The following UBA2 variants were observed in gnomAD, a reference collection of about 807,000 sequenced individuals.
The protein encoded by UBA2 is ubiquitin like modifier activating enzyme 2, also known as SUMO-activating enzyme subunit 2.
In UBA2, 11 loss-of-function variants were observed where a neutral mutation model predicts 77.2. The ratio of observed to expected loss-of-function variants is 0.14; its 90% CI spans 0.09 to 0.24. The LOEUF (loss-of-function observed/expected upper bound fraction) is 0.24. UBA2 is among the 10% of genes least tolerant of loss of function. The probability of loss-of-function intolerance (pLI) is 1.00; values close to 1 mark genes in which losing one functional copy is unlikely to be tolerated. For missense variants in UBA2, 487 were observed against 781.7 expected (o/e 0.62, Z 4.50); for synonymous variants, 278 against 276.7 (o/e 1.00, Z -0.05).
At chr19:34,433,815 C>T (rs1001767107) in intron 4 of UBA2, among the ~76,000 whole-genome samples, 4 of 152,134 alleles carry the variant, frequency 2.6e-5, no homozygotes, top group South Asian at 2.1e-4. Flanking sequence ...AAAAATTAGC[C>T]GGTGTGGTGG....
At chr19:34,462,886 G>A (rs2075646933) in intron 14 of UBA2, among the ~76,000 whole-genome samples, 1 of 152,176 alleles carries the variant, frequency 6.6e-6, no homozygotes, top group African/African-American at 2.4e-5. Flanking sequence ...CCTGAGGTCA[G>A]GAGTTGGAGA....
At chr19:34,448,700 G>A (rs1208894106) in intron 8 of UBA2, among the ~76,000 whole-genome samples, 2 of 152,160 alleles carry the variant, frequency 1.3e-5, no homozygotes, top group African/African-American at 2.4e-5. Context: ...GATTCTTTTG[G>A]AACATTAGAG....
At chr19:34,445,238 G>A (rs2075415387) in intron 8 of UBA2, 117 bp downstream of exon 8, 2 of 1,001,402 alleles carry the variant, frequency 2.0e-6, no homozygotes, top group South Asian at 3.6e-5. Flanking sequence ...CTATGTATAT[G>A]CCTTGTGATG....
intron 10 of UBA2, 80 bp from the exon 11 acceptor site, chr19:34,454,165 AGTATTATAAACACGT>A: frequency 9.1e-7 from 1 of 1,102,690 alleles, no homozygotes; most frequent in East Asian, 2.4e-5. Context: ...GAAAGTCTAT[AGTATTATAAACACGT>A]GAAAGTATTG....
intron 16 of UBA2, 169 bp downstream of exon 16, chr19:34,467,183 T>G: frequency 1.2e-6 from 1 of 821,742 alleles, no homozygotes. Flanking sequence ...TGAAGACATT[T>G]AAGGCTGGGT....
Position 34,434,941 on chromosome 19 carries a change from T to C in UBA2, c.432T>C (p.Tyr144=). ...TTATTGAAAGTGGAACAGCTGGGTA[T>C]CTTGGACAAGTAACTACTATCAAAA... ...VPLIESGTAG[Y]LGQVTTIKKG... is the part of the protein sequence containing the mutation. The change falls in exon 5 of 17, where the codon TAT becomes TAC. Residue 144 remains tyrosine (Y), a synonymous_variant. Transcript: ENST00000246548. 1 of 1,609,060 alleles carries C rather than the reference T, an allele frequency of 6.2e-7. No homozygotes were observed. The highest frequency in any genetic ancestry group is 8.5e-7 in the Non-Finnish European group (1 of 1,177,836).
chr19:34,440,487 T>G (rs1281088188), intron 6 of UBA2, among the ~76,000 whole-genome samples: 2 of 152,176 alleles, frequency 1.3e-5, no homozygotes, highest in Non-Finnish European at 2.9e-5. Flanking sequence ...CCCTGAGAAA[T>G]TTTTAAAAGG....
intron 1 of UBA2, among the ~76,000 whole-genome samples, 173 bp from the exon 2 acceptor site, chr19:34,430,403 A>G (rs1384569864): frequency 6.6e-6 from 1 of 152,216 alleles, no homozygotes; most frequent in African/African-American, 2.4e-5. Flanking sequence ...AGATTCTTAC[A>G]TGCATTAAAT....
intron 8 of UBA2, among the ~76,000 whole-genome samples, chr19:34,448,657 A>G (rs568862357): frequency 4.6e-5 from 7 of 152,136 alleles, no homozygotes; most frequent in Admixed American, 1.3e-4. Flanking sequence ...AGGGTAGGAG[A>G]AGGTGATAAT....
At chr19:34,432,023 G>A in intron 3 of UBA2, 92 bp downstream of exon 3, 1 of 978,564 alleles carries the variant, frequency 1.0e-6, no homozygotes, top group African/African-American at 1.7e-5. Context: ...TAAAAAAAAT[G>A]ATTTTTCTAG....
chr19:34,444,019 T>C (rs192594565), intron 7 of UBA2, 108 bp downstream of exon 7: 1 of 586,808 alleles, frequency 1.7e-6, no homozygotes, highest in East Asian at 2.9e-5. Context: ...CTAGGTAATG[T>C]GTGTTTAACA....
rs751851049 is a variant in UBA2, at chr19:34,434,976, A to G, written c.459+8A>G. ...GTAACTACTATCAAAAAGGTAAAGAAAAGTTTTATTTTTTTAACTTCCCAA... is the reference window on the plus strand; with the variant it reads ...GTAACTACTATCAAAAAGGTAAAGAGAAGTTTTATTTTTTTAACTTCCCAA... On this transcript the variant is annotated splice_region_variant and intron_variant, in intron 5 of 16. Transcript: ENST00000246548. 9.5e-6 allele frequency: 15 copies of G among 1,574,606 alleles called. No homozygotes were observed. Among genetic ancestry groups the G allele is most frequent in the Non-Finnish European group, 1.3e-5 (15 of 1,156,478 alleles).
intron 1 of UBA2, chr19:34,429,954 C>G (rs2075233161): frequency 6.6e-6 from 1 of 152,210 alleles, no homozygotes; most frequent in Non-Finnish European, 1.5e-5. Context: ...CCCTGTCACC[C>G]TGGCTAGAGT....
chr19:34,430,744 G>A, intron 2 of UBA2, 85 bp downstream of exon 2: 3 of 969,166 alleles, frequency 3.1e-6, no homozygotes, highest in Non-Finnish European at 1.6e-6. Context: ...CATATAGGAG[G>A]GAAAAAATGG....
At chr19:34,454,622 A>G in intron 12 of UBA2, 66 bp downstream of exon 12, 1 of 773,768 alleles carries the variant, frequency 1.3e-6, no homozygotes. Context: ...AAAGTACATT[A>G]AACAGATAAT....
Position 34,431,901 on chromosome 19 carries a change from A to G in UBA2, c.263A>G (p.Asn88Ser). 1.2e-6 allele frequency: 2 copies of G among 1,614,024 alleles called. No homozygotes were observed. The highest frequency in any genetic ancestry group is 1.7e-6 in the Non-Finnish European group (2 of 1,179,976). ...ESVLQFYPKA[N>S]IVAYHDSIMN... ...GTACTGCAGTTTTACCCGAAAGCTAATATCGTTGCCTACCATGACAGCATC... is the reference window on the plus strand; with the variant it reads ...GTACTGCAGTTTTACCCGAAAGCTAGTATCGTTGCCTACCATGACAGCATC... Residue 88 changes from asparagine (N) to serine (S), a missense_variant, in exon 3 of 17, where the codon AAT becomes AGT. Asn to Ser is a conservative substitution (Grantham distance 46). This residue lies in a region of UBA2 where 66 missense variants were observed against 112.0 expected (regional missense o/e 0.59). Transcript: ENST00000246548.
chr19:34,449,928 A>G (rs1169687157), intron 8 of UBA2, among the ~76,000 whole-genome samples: 1 of 152,168 alleles, frequency 6.6e-6, no homozygotes, highest in Non-Finnish European at 1.5e-5. Context: ...CATAATGTAC[A>G]TTTATTTGTA....
chr19:34,428,619 T>A (rs1416807873), intron 1 of UBA2, 49 bp downstream of exon 1: 5 of 904,370 alleles, frequency 5.5e-6, no homozygotes, highest in East Asian at 7.6e-5. Flanking sequence ...GTGCGGGGGC[T>A]GGGATTCGGG....
At chr19:34,431,244 CTTTTTTTTTTTTT>C (rs1184297228) in intron 2 of UBA2, among the ~76,000 whole-genome samples, 120 of 69,394 alleles carry the variant, frequency 1.7e-3, no homozygotes, top group African/African-American at 6.8e-3. Context: ...ATTTTCTTTT[CTTTTTTTTTTTTT>C]TTTTTTTTTT....
Sources: gnomAD v4.1 joint callset for allele counts (sites outside exome capture counted in the v4.1 genomes callset) on GRCh38, gnomAD v4.1.1 for gene constraint, gnomAD v4.1.1 regional missense constraint, MANE v1.5 for transcripts, NCBI Gene and HGNC (gene_info 2026-07-23, HGNC 2026-07-21) for gene names.